The following SLC17A1 variants were observed in gnomAD, a reference collection of about 807,000 sequenced individuals.
The protein encoded by SLC17A1 is sodium-dependent phosphate transport protein 1.
In SLC17A1, 51 loss-of-function variants were observed where a neutral mutation model predicts 53.5. The observed-to-expected ratio is 0.95, with a 90% CI of 0.76 to 1.20. SLC17A1 has a LOEUF of 1.20. SLC17A1 is among the 50% of genes most tolerant of loss of function. The pLI, the probability that SLC17A1 is intolerant of heterozygous loss-of-function variation, is 0.00. For synonymous variants in SLC17A1, 179 were observed against 198.8 expected, an observed-to-expected ratio of 0.90 and a Z score of 0.84; for missense variants, 538 against 568.2, an observed-to-expected ratio of 0.95 and a Z score of 0.54.
At chr6:25,763,081 T>C in the SLC17A1 span, among the ~76,000 whole-genome samples, 1 of 152,156 alleles carries the variant, frequency 6.6e-6, no homozygotes, top group Non-Finnish European at 1.5e-5. Context: ...TAGTGTCCCT[T>C]CCTCAGCCCA....
chr6:25,756,956 G>A, the SLC17A1 span, among the ~76,000 whole-genome samples: 1 of 152,168 alleles, frequency 6.6e-6, no homozygotes, highest in Non-Finnish European at 1.5e-5. Flanking sequence ...GCCCTGAGGT[G>A]TGAAAATAAA....
In SLC17A1 at chr6:25,811,748, G is replaced by A. The variant is rs200983564; in HGVS notation, c.920C>T (p.Pro307Leu). ...ACCACAGATCCAGGCAAACAAATAG[G>A]GAAGGGAAGACAAGAACCCATTCTG... is the stretch of plus-strand genomic sequence containing the variant. Reference protein sequence around the residue: ...IKENGFLSSLPYLFAWICGNL... With the variant: ...IKENGFLSSLLYLFAWICGNL... Residue 307 changes from proline (P) to leucine (L), a missense_variant, in exon 9 of 13, where the codon CCC becomes CTC. Physicochemically the swap from Pro to Leu is moderately conservative, Grantham distance 98 (BLOSUM62 -3). Coordinates refer to ENST00000244527, the MANE Select transcript of SLC17A1 (RefSeq NM_005074.5). The A allele has an allele frequency of 6.8e-6, 11 of 1,613,724 alleles. No homozygotes were observed. The highest frequency in any genetic ancestry group is 9.3e-6 in the Non-Finnish European group (11 of 1,179,732).
the SLC17A1 span, among the ~76,000 whole-genome samples, chr6:25,730,620 G>T: frequency 6.6e-6 from 1 of 152,182 alleles, no homozygotes; most frequent in Non-Finnish European, 1.5e-5. Context: ...ATTGAAAATT[G>T]CAAAGAGTAG....
chr6:25,779,001 A>C (rs1379169139), downstream of SLC17A1: 2 of 1,602,332 alleles, frequency 1.2e-6, no homozygotes, highest in African/African-American at 2.7e-5. Flanking sequence ...TTTCTGAACC[A>C]AGAGGGACAG....
chr6:25,736,286 A>T, the SLC17A1 span, among the ~76,000 whole-genome samples: 2 of 152,132 alleles, frequency 1.3e-5, no homozygotes, highest in Non-Finnish European at 2.9e-5. Flanking sequence ...TTGTAAGAAC[A>T]TCTGTCTGAC....
the SLC17A1 span, chr6:25,773,532 C>G: frequency 6.2e-7 from 1 of 1,613,748 alleles, no homozygotes; most frequent in Non-Finnish European, 8.5e-7. Flanking sequence ...CCAGGCTGGT[C>G]TCTTCCCATT....
intron 3 of SLC17A1, among the ~76,000 whole-genome samples, chr6:25,826,086 G>A (rs568926208): frequency 8.5e-5 from 13 of 152,162 alleles, no homozygotes; most frequent in Admixed American, 8.5e-4. Context: ...ATCTTCCAGA[G>A]ATGAAATTAA....
the SLC17A1 span, among the ~76,000 whole-genome samples, chr6:25,762,770 T>C: frequency 1.3e-5 from 2 of 152,170 alleles, no homozygotes; most frequent in Non-Finnish European, 2.9e-5. Context: ...GAAATGTGCA[T>C]GTTAGTACTC....
chr6:25,809,794 T>C (rs1162073786), intron 10 of SLC17A1, among the ~76,000 whole-genome samples: 2 of 151,890 alleles, frequency 1.3e-5, no homozygotes, highest in Admixed American at 1.3e-4. Context: ...GTACAAAAGG[T>C]CCCAAATAAC....
chr6:25,760,387 T>C, the SLC17A1 span, among the ~76,000 whole-genome samples: 1 of 152,204 alleles, frequency 6.6e-6, no homozygotes. Flanking sequence ...ATGGTATCTA[T>C]TATTATAAAT....
chr6:25,776,920 A>G, the SLC17A1 span: 2 of 1,613,694 alleles, frequency 1.2e-6, no homozygotes, highest in South Asian at 2.2e-5. Flanking sequence ...AGCTTCTGTG[A>G]ATCAGGAGCC....
chr6:25,732,650 A>C, the SLC17A1 span: 3 of 1,301,802 alleles, frequency 2.3e-6, no homozygotes, highest in Non-Finnish European at 3.2e-6. Flanking sequence ...CCGTCGGAAC[A>C]AGAAGAAGAC....
the SLC17A1 span, chr6:25,770,086 G>A: frequency 1.2e-6 from 2 of 1,614,026 alleles, no homozygotes; most frequent in Admixed American, 1.7e-5. Flanking sequence ...TATGACTGGA[G>A]TCCTGAAATC....
chr6:25,734,985 C>G, the SLC17A1 span, among the ~76,000 whole-genome samples: 1 of 152,194 alleles, frequency 6.6e-6, no homozygotes, highest in Non-Finnish European at 1.5e-5. Flanking sequence ...ATCAACAGTT[C>G]TCAGAGCCAC....
At chr6:25,764,350 A>G in the SLC17A1 span, among the ~76,000 whole-genome samples, 1 of 152,228 alleles carries the variant, frequency 6.6e-6, no homozygotes, top group Non-Finnish European at 1.5e-5. Context: ...AAATGCCTGC[A>G]GGAAAGATAT....
At chr6:25,762,027 T>C in the SLC17A1 span, 30 of 1,613,308 alleles carry the variant, frequency 1.9e-5, no homozygotes, top group Non-Finnish European at 2.3e-5. Flanking sequence ...AATTTAAACG[T>C]GGCTCAAGAG....
the SLC17A1 span, among the ~76,000 whole-genome samples, chr6:25,753,663 A>C: frequency 7.6e-4 from 116 of 152,048 alleles, 1 homozygote; most frequent in Non-Finnish European, 2.2e-4. Context: ...TTTTTTGGCA[A>C]GATTAACAGG....
the SLC17A1 span, among the ~76,000 whole-genome samples, chr6:25,763,628 A>T: frequency 6.6e-6 from 1 of 152,110 alleles, no homozygotes; most frequent in Admixed American, 6.5e-5. Context: ...AGCTGAATCC[A>T]GGGGTTCCAT....
chr6:25,767,796 C>T, the SLC17A1 span, among the ~76,000 whole-genome samples: 4 of 152,100 alleles, frequency 2.6e-5, no homozygotes, highest in African/African-American at 7.2e-5. Flanking sequence ...GAATGAAATA[C>T]GTGTTGCAAA....
Sources: gnomAD v4.1 joint callset for allele counts (sites outside exome capture counted in the v4.1 genomes callset) on GRCh38, gnomAD v4.1.1 for gene constraint, MANE v1.5 for transcripts, NCBI Gene and HGNC (gene_info 2026-07-23, HGNC 2026-07-21) for gene names.